Variants in SH2D3C observed in about 807,000 individuals in gnomAD.
SH2D3C encodes the protein SH2 domain-containing protein 3C.
SH2D3C carries 25 observed loss-of-function variants against 75.2 expected under a neutral mutation model. The ratio of observed to expected loss-of-function variants is 0.33; its 90% CI spans 0.24 to 0.46. The LOEUF (loss-of-function observed/expected upper bound fraction) is 0.46, where lower values mean the gene tolerates loss of function less well. SH2D3C is among the 20% of genes least tolerant of loss of function. The pLI, the probability that SH2D3C is intolerant of heterozygous loss-of-function variation, is 1.00. For synonymous variants in SH2D3C, 450 were observed against 473.7 expected (o/e 0.95, Z 0.65); for missense variants, 933 against 1,165.3 (o/e 0.80, Z 2.90).
intron 1 of SH2D3C, among the ~76,000 whole-genome samples, chr9:127,777,124 T>C (rs998059657): frequency 6.6e-6 from 1 of 151,436 alleles, no homozygotes; most frequent in Non-Finnish European, 1.5e-5. Context: ...ATCTGGGAAA[T>C]GCAGTCATAA....
At chr9:127,741,987 C>T (rs1844872034) in intron 8 of SH2D3C, 28 bp from the exon 9 acceptor site, 1 of 1,578,926 alleles carries the variant, frequency 6.3e-7, no homozygotes, top group Non-Finnish European at 8.6e-7. Context: ...TCAGAGGCGG[C>T]GGGCTCGGGG....
At chr9:127,750,847 G>C (rs1845180677) in intron 4 of SH2D3C, among the ~76,000 whole-genome samples, 1 of 152,224 alleles carries the variant, frequency 6.6e-6, no homozygotes, top group African/African-American at 2.4e-5. Context: ...CAGATATGTA[G>C]ACCAGTAACA....
intron 2 of SH2D3C, among the ~76,000 whole-genome samples, chr9:127,769,996 G>A (rs568728622): frequency 1.7e-3 from 256 of 152,290 alleles, no homozygotes; most frequent in African/African-American, 5.8e-3. Context: ...GTGGGTAGGC[G>A]TGGGGTAGGG....
chr9:127,760,190 G>A (rs1270004247), intron 3 of SH2D3C, among the ~76,000 whole-genome samples: 5 of 152,094 alleles, frequency 3.3e-5, no homozygotes, highest in East Asian at 3.9e-4. Context: ...AAAAACAAGC[G>A]CAAAGCACTA....
rs865956728 is a variant in SH2D3C at position 127,762,401 on chromosome 9, G to A, written c.516-751C>T. On this transcript the variant is annotated intron_variant, in intron 2 of 11. Coordinates refer to ENST00000314830, the MANE Select transcript of SH2D3C (RefSeq NM_170600.3). The stretch of plus-strand genomic sequence containing the variant: ...TTGGAAACCCAACTACCTCCTGGAC[G>A]CCTCCCCTTGGATATCTGAAGGCCA... The A allele has an allele frequency of 7.2e-5, 76 of 1,055,914 alleles. No homozygotes were observed. In the African/African-American group the frequency reaches 7.2e-4, roughly 10 times the overall value. The allele number at this position is 1,055,914 out of a possible 1,614,324, so 65.4% of individuals were successfully genotyped here.
rs763111552 is a variant in SH2D3C at position 127,773,079 on chromosome 9, G to A, written c.515+911C>T. Among the ~76,000 whole-genome samples the A allele has an allele frequency of 1.2e-3, 181 of 152,070 alleles. 1 individual carries two copies. The highest frequency in any genetic ancestry group is 2.1e-3 in the Non-Finnish European group (142 of 67,966). ...AAACTCCTAGCCTCCCAAAATACTG[G>A]GATTACAGGCATGAGCCACTGCACC... On this transcript the variant is annotated intron_variant, in intron 2 of 11. Coordinates refer to ENST00000314830, the MANE Select transcript of SH2D3C (RefSeq NM_170600.3).
intron 2 of SH2D3C, among the ~76,000 whole-genome samples, chr9:127,764,430 C>T (rs965743638): frequency 6.6e-6 from 1 of 152,220 alleles, no homozygotes; most frequent in Non-Finnish European, 1.5e-5. Context: ...TCTCCCCGCA[C>T]AGCAGCCACA....
In SH2D3C at chr9:127,741,878, G is replaced by C; in HGVS notation, c.1998C>G (p.His666Gln). 6.2e-7 allele frequency: 1 copy of C among 1,613,252 alleles called. No homozygotes were observed. The highest frequency in any genetic ancestry group is 8.5e-7 in the Non-Finnish European group (1 of 1,180,012). ...GCTCGGCCGCCAGCTGAATGGTCTTGTGCAGCAGCGCTGCCCGCTCCTCCG... is the reference window on the plus strand; with the variant it reads ...GCTCGGCCGCCAGCTGAATGGTCTTCTGCAGCAGCGCTGCCCGCTCCTCCG... Reference protein sequence around the residue: ...GSAEERAALLHKTIQLAAELR... With the variant: ...GSAEERAALLQKTIQLAAELR... Residue 666 changes from histidine to glutamine, a missense_variant, in exon 9 of 12, where the codon CAC (histidine) becomes CAG (glutamine). Transcript: ENST00000314830.
intron 2 of SH2D3C, among the ~76,000 whole-genome samples, chr9:127,762,608 C>T (rs1480295755): frequency 6.6e-6 from 1 of 152,334 alleles, no homozygotes; most frequent in East Asian, 1.9e-4. Context: ...GCCGCTCCGC[C>T]GTCAGAATCC....
intron 9 of SH2D3C, among the ~76,000 whole-genome samples, chr9:127,741,509 T>A (rs902069047): frequency 6.6e-6 from 1 of 152,212 alleles, no homozygotes. Flanking sequence ...AGTGCTGGGA[T>A]TACAGGCATG....
At position 127,739,984 on chromosome 9, in the gene SH2D3C, G is replaced by A. The variant is rs1844805730; in HGVS notation, c.2201-96C>T. ...TGAGGTGCAGGAGGGAACGGGCCTG[G>A]CTGAGGTCCGGGAGAGAGCCCCAAG... On this transcript the variant is annotated intron_variant, in intron 10 of 11. Coordinates refer to ENST00000314830, the MANE Select transcript of SH2D3C (RefSeq NM_170600.3). The surrounding 1 kb of genome is among the most constrained non-coding windows in gnomAD (Gnocchi z 4.3). 2 of 1,203,250 alleles carry A rather than the reference G, an allele frequency of 1.7e-6. No individual in the cohort carries two copies. The highest frequency in any genetic ancestry group is 1.5e-5 in the African/African-American group (1 of 65,078). The allele number at this position is 1,203,250 out of a possible 1,614,324, so 74.5% of individuals were successfully genotyped here.
At chr9:127,745,142 C>G (rs751494340) in intron 6 of SH2D3C, 43 bp from the exon 7 acceptor site, 1 of 1,444,894 alleles carries the variant, frequency 6.9e-7, no homozygotes, top group East Asian at 2.4e-5. Context: ...AGCAGCTCCC[C>G]ACCAAAGTGA....
intron 2 of SH2D3C, chr9:127,767,126 C>T: frequency 5.2e-6 from 8 of 1,535,902 alleles, no homozygotes; most frequent in Non-Finnish European, 7.0e-6. Flanking sequence ...GTCTGGAGCC[C>T]TCAGTTTTCC....
At chr9:127,775,953 C>G (rs952095427) in intron 1 of SH2D3C, among the ~76,000 whole-genome samples, 9 of 152,048 alleles carry the variant, frequency 5.9e-5, no homozygotes, top group Non-Finnish European at 8.8e-5. Context: ...CTCAGCCTCC[C>G]GAGTAACTGG....
intron 3 of SH2D3C, 139 bp downstream of exon 3, chr9:127,761,472 C>G: frequency 1.7e-6 from 1 of 598,144 alleles, no homozygotes; most frequent in Non-Finnish European, 3.0e-6. Flanking sequence ...TGCCTCGACT[C>G]CGAGAACCTC....
intron 2 of SH2D3C, chr9:127,767,420 GC>G: frequency 1.0e-6 from 1 of 964,816 alleles, no homozygotes; most frequent in South Asian, 1.9e-5. Context: ...GAACCAGATG[GC>G]CTGATGTCTA....
chr9:127,761,731 C>CCCCAGG, intron 2 of SH2D3C, 81 bp from the exon 3 acceptor site: 1 of 1,228,620 alleles, frequency 8.1e-7, no homozygotes, highest in Non-Finnish European at 1.2e-6. Context: ...CTGCCTGGGG[C>CCCCAGG]CAGCACCTGG....
intron 8 of SH2D3C, chr9:127,742,629 C>A: frequency 2.0e-6 from 1 of 499,458 alleles, no homozygotes; most frequent in Admixed American, 3.6e-5. Flanking sequence ...CAAGGGGATG[C>A]GAAAGGAAGG....
intron 1 of SH2D3C, among the ~76,000 whole-genome samples, chr9:127,776,321 T>G (rs542668534): frequency 6.6e-6 from 1 of 150,842 alleles, no homozygotes; most frequent in African/African-American, 2.4e-5. Flanking sequence ...TTTGTGCTCA[T>G]GTAGGGGGTT....
Sources: allele counts gnomAD v4.1 joint callset (sites outside exome capture counted in the v4.1 genomes callset), GRCh38; gene constraint gnomAD v4.1.1; non-coding constraint Gnocchi (gnomAD v3.1); transcripts MANE v1.5; gene names NCBI Gene and HGNC (gene_info 2026-07-23, HGNC 2026-07-21).